The following AKT3 variants were observed in gnomAD, a reference collection of about 807,000 sequenced individuals.
AKT3 encodes the protein RAC-gamma serine/threonine-protein kinase.
A neutral mutation model predicts 65.3 loss-of-function variants in AKT3; 15 were observed. That is an observed-to-expected ratio of 0.23 (90% confidence interval 0.15 to 0.35). The LOEUF (loss-of-function observed/expected upper bound fraction) is 0.35, where lower values mean the gene tolerates loss of function less well. Ranked by LOEUF, AKT3 falls within the 10% of genes least tolerant of loss-of-function variation. The pLI, the probability that AKT3 is intolerant of heterozygous loss-of-function variation, is 1.00. For synonymous variants in AKT3, 206 were observed against 183.8 expected, an observed-to-expected ratio of 1.12 and a Z score of -0.98; for missense variants, 243 against 576.5, an observed-to-expected ratio of 0.42 and a Z score of 5.92.
intron 6 of AKT3, among the ~76,000 whole-genome samples, chr1:243,617,322 C>T (rs751424529): frequency 6.6e-6 from 1 of 151,880 alleles, no homozygotes; most frequent in African/African-American, 2.4e-5. Flanking sequence ...GGGGATACTA[C>T]AGTTAATGAG....
chr1:243,497,215 T>C (rs147941996), downstream of AKT3, among the ~76,000 whole-genome samples: 2 of 151,976 alleles, frequency 1.3e-5, no homozygotes, highest in Non-Finnish European at 2.9e-5. Context: ...GTCAGAGAAA[T>C]GTGTGTTACC....
At chr1:243,644,644 C>T (rs1015119425) in intron 5 of AKT3, among the ~76,000 whole-genome samples, 3 of 152,136 alleles carry the variant, frequency 2.0e-5, no homozygotes, top group African/African-American at 7.2e-5. Context: ...AAACATCACT[C>T]TAAAACATCT....
chr1:243,664,658 A>G (rs1682644341), intron 4 of AKT3, 114 bp downstream of exon 4: 1 of 349,214 alleles, frequency 2.9e-6, no homozygotes, highest in Non-Finnish European at 4.8e-6. Context: ...TTTAGAGACT[A>G]TAGCATTTAA....
chr1:243,495,845 C>G (rs1332952152), downstream of AKT3, among the ~76,000 whole-genome samples: 1 of 152,148 alleles, frequency 6.6e-6, no homozygotes, highest in African/African-American at 2.4e-5. Context: ...AGCTTAATTC[C>G]GTAGATATCA....
At chr1:243,771,146 T>C (rs1690158882) in intron 2 of AKT3, among the ~76,000 whole-genome samples, 1 of 152,204 alleles carries the variant, frequency 6.6e-6, no homozygotes. Flanking sequence ...GTAGTCAAAA[T>C]ATTTAAGCCT....
intron 3 of AKT3, among the ~76,000 whole-genome samples, chr1:243,690,660 T>C (rs1029097028): frequency 1.3e-5 from 2 of 148,226 alleles, no homozygotes; most frequent in East Asian, 2.0e-4. Context: ...GGATACCTAG[T>C]AATTTAAGTG....
intron 2 of AKT3, among the ~76,000 whole-genome samples, chr1:243,810,112 G>C (rs985074959): frequency 5.9e-5 from 9 of 152,056 alleles, no homozygotes; most frequent in African/African-American, 2.2e-4. Context: ...ACAATTAAAA[G>C]AACTAGAGAA....
chr1:243,529,958 G>A (rs1671418986), intron 12 of AKT3, among the ~76,000 whole-genome samples: 1 of 152,042 alleles, frequency 6.6e-6, no homozygotes, highest in Non-Finnish European at 1.5e-5. Context: ...ATTTGTTTGT[G>A]TCATCTCTGA....
chr1:243,850,795 G>C (rs1695752799), upstream of AKT3, among the ~76,000 whole-genome samples: 1 of 151,856 alleles, frequency 6.6e-6, no homozygotes, highest in African/African-American at 2.4e-5. Context: ...CCTCTCGCGA[G>C]AACATCCCCC....
rs190342130 is a variant in AKT3 at position 243,789,270 on chromosome 1, T to C, written c.46+53855A>G. On this transcript the variant is annotated intron_variant, in intron 2 of 13. Coordinates refer to ENST00000673466, the MANE Select transcript of AKT3 (RefSeq NM_005465.7). Reference sequence around the variant, plus strand: ...GCACAGTGGTGTGTGACTGTGGTCCTAGCTACTTAGAAGGCTGAGAAGGGA... The same window carrying C: ...GCACAGTGGTGTGTGACTGTGGTCCCAGCTACTTAGAAGGCTGAGAAGGGA... Among the ~76,000 whole-genome samples the C allele has an allele frequency of 1.4e-3, 211 of 152,288 alleles. 1 individual carries two copies. Among genetic ancestry groups the C allele is most frequent in the South Asian group, 8.3e-3 (40 of 4,828 alleles).
chr1:243,812,487 CAGT>C (rs1693227217), intron 2 of AKT3, among the ~76,000 whole-genome samples: 2 of 152,284 alleles, frequency 1.3e-5, no homozygotes, highest in Non-Finnish European at 2.9e-5. Context: ...CATCTCACAC[CAGT>C]TAGAATGGCG....
At chr1:243,710,916 GATAATAAC>G (rs1686104233) in intron 2 of AKT3, among the ~76,000 whole-genome samples, 1 of 152,162 alleles carries the variant, frequency 6.6e-6, no homozygotes, top group Admixed American at 6.5e-5. Flanking sequence ...TCATTTTAAA[GATAATAAC>G]CCAAATACAG....
rs1365059163 is a variant in AKT3 at position 243,619,611 on chromosome 1, T to C, written c.562-4450A>G. Among the ~76,000 whole-genome samples the C allele has an allele frequency of 5.8e-4, 58 of 99,394 alleles. 10 individuals are homozygous for C. The highest frequency in any genetic ancestry group is 1.4e-3 in the African/African-American group (55 of 38,594). The allele number at this position is 99,394 out of a possible 152,430, so 65.2% of individuals were successfully genotyped here. On this transcript the variant is annotated intron_variant, in intron 6 of 13. Transcript: ENST00000673466. ...AAAATGTGCAATATTTGTCTTTCTG[T>C]GCCTGGCTTATTTCACTTAACATAA...
At chr1:243,570,877 C>T (rs1558622854) in intron 9 of AKT3, among the ~76,000 whole-genome samples, 1 of 152,128 alleles carries the variant, frequency 6.6e-6, no homozygotes, top group Admixed American at 6.6e-5. Flanking sequence ...ACTTAATTGT[C>T]TAGTAAACTT....
rs532839709 is a variant in AKT3, at chr1:243,570,090, T to G, written c.819+2836A>C. The stretch of plus-strand genomic sequence containing the variant: ...AAGTACAACAAAGGCTTCAACAATT[T>G]TTCTGTTGCTATAAACACTAATTTA... On this transcript the variant is annotated intron_variant, in intron 9 of 13. Transcript: ENST00000673466. Among the ~76,000 whole-genome samples, 3 of 152,348 alleles carry G rather than the reference T, an allele frequency of 2.0e-5. No homozygotes were observed. In the East Asian group the frequency reaches 5.8e-4, roughly 29 times the overall value.
At chr1:243,721,165 C>G (rs573026058) in intron 2 of AKT3, among the ~76,000 whole-genome samples, 1 of 152,266 alleles carries the variant, frequency 6.6e-6, no homozygotes, top group Non-Finnish European at 1.5e-5. Context: ...TAACCTTCCC[C>G]TCACCTTTCT....
chr1:243,664,265 C>T (rs540626049), intron 4 of AKT3, among the ~76,000 whole-genome samples: 10 of 128,874 alleles, frequency 7.8e-5, no homozygotes, highest in Admixed American at 1.9e-4. Flanking sequence ...GGCGCAATCT[C>T]GGCTCACTGC....
At chr1:243,567,155 C>T (rs1674218778) in intron 9 of AKT3, among the ~76,000 whole-genome samples, 1 of 152,172 alleles carries the variant, frequency 6.6e-6, no homozygotes, top group South Asian at 2.1e-4. Context: ...GTGGTATGCG[C>T]TTGTGGTGCC....
intron 2 of AKT3, among the ~76,000 whole-genome samples, chr1:243,720,125 C>G (rs1686785271): frequency 6.6e-6 from 1 of 151,776 alleles, no homozygotes; most frequent in Non-Finnish European, 1.5e-5. Context: ...CCAGCCTGAC[C>G]CCATCTCTAC....
Sources: gnomAD v4.1 joint callset for allele counts (sites outside exome capture counted in the v4.1 genomes callset) on GRCh38, gnomAD v4.1.1 for gene constraint, MANE v1.5 for transcripts, NCBI Gene and HGNC (gene_info 2026-07-23, HGNC 2026-07-21) for gene names.